The following CTPS2 variants were observed in gnomAD, a reference collection of about 807,000 sequenced individuals.
CTPS2 encodes CTP synthase 2.
Under a neutral mutation model 46.8 loss-of-function variants are expected in CTPS2, and 19 were observed. The ratio of observed to expected loss-of-function variants is 0.41; its 90% CI spans 0.28 to 0.60. The LOEUF is 0.60. Among genes scored for constraint, CTPS2 ranks in the 20% least tolerant of loss-of-function variants. The probability of loss-of-function intolerance (pLI) is 0.35; values close to 1 mark genes in which losing one functional copy is unlikely to be tolerated. For synonymous variants in CTPS2, 151 were observed against 165.2 expected, an observed-to-expected ratio of 0.91 and a Z score of 0.66; for missense variants, 286 against 447.6, an observed-to-expected ratio of 0.64 and a Z score of 3.26.
chrX:16,707,915 GA>G (rs951801968), intron 1 of CTPS2, among the ~76,000 whole-genome samples: 1 of 111,750 alleles, frequency 8.9e-6, no homozygotes, highest in African/African-American at 3.3e-5. Flanking sequence ...CCGGGAGGCG[GA>G]GGTTGCAGTG....
Position 16,670,564 on chromosome X carries a change from T to C in CTPS2, c.1189+16A>G, listed in dbSNP as rs1440299973. On this transcript the variant is annotated intron_variant, in intron 11 of 18. Coordinates refer to ENST00000359276, the MANE Select transcript of CTPS2 (RefSeq NM_175859.3). ...CTAATAAACTCATAGTTAGGGTCAA[T>C]AAACATGAGTTTTACCCAGAAAAGG... The C allele has an allele frequency of 8.6e-7, 1 of 1,168,035 alleles. No individual in the cohort carries two copies. Among genetic ancestry groups the C allele is most frequent in the South Asian group, 1.9e-5 (1 of 53,686 alleles).
rs947086592 is a variant in CTPS2, at chrX:16,634,605, A to G, written c.1393+4542T>C. 2.7e-5 allele frequency among the ~76,000 whole-genome samples: 3 copies of G among 112,169 alleles called. No homozygotes were observed. The Admixed American group carries it at 2.8e-4, about 11-fold the overall frequency. ...TGAATTCATAGTTTTCATAACCCTT[A>G]AGGAATTAACAGGTTATTAAGAAAA... On this transcript the variant is annotated intron_variant, in intron 14 of 18. Transcript: ENST00000359276.
intron 14 of CTPS2, among the ~76,000 whole-genome samples, chrX:16,622,428 A>G (rs1279936198): frequency 1.8e-5 from 2 of 109,936 alleles, no homozygotes; most frequent in East Asian, 5.6e-4. Flanking sequence ...AAAAAGAAAG[A>G]AAAAGAAAAA....
chrX:16,710,876 C>T (rs1215655322), intron 1 of CTPS2, among the ~76,000 whole-genome samples: 7 of 112,341 alleles, frequency 6.2e-5, no homozygotes, highest in Non-Finnish European at 1.9e-5. Context: ...CTCGGCCTCC[C>T]AAAGTGCTGG....
intron 8 of CTPS2, among the ~76,000 whole-genome samples, chrX:16,687,147 G>A (rs1014039316): frequency 1.8e-5 from 2 of 110,581 alleles, no homozygotes; most frequent in African/African-American, 6.6e-5. Context: ...TGCCCAGTTA[G>A]TGGTCATTGT....
At chrX:16,699,533 C>T (rs1924389447) in intron 2 of CTPS2, among the ~76,000 whole-genome samples, 1 of 112,580 alleles carries the variant, frequency 8.9e-6, no homozygotes, top group African/African-American at 3.2e-5. Context: ...ACCCATAAGG[C>T]AACTTGGTGA....
chrX:16,655,216 G>GA (rs1371832650), intron 13 of CTPS2, among the ~76,000 whole-genome samples: 4 of 112,174 alleles, frequency 3.6e-5, no homozygotes, highest in Admixed American at 1.9e-4. Flanking sequence ...CCTCGACGGG[G>GA]AACAGAAGGA....
At chrX:16,620,395 G>T in intron 14 of CTPS2, 63 bp from the exon 15 acceptor site, 1 of 869,894 alleles carries the variant, frequency 1.1e-6, no homozygotes, top group South Asian at 2.2e-5. Flanking sequence ...CATCCATGAT[G>T]CTTTGTGGAG....
intron 14 of CTPS2, among the ~76,000 whole-genome samples, chrX:16,634,054 A>G (rs1268009380): frequency 1.8e-5 from 2 of 112,005 alleles, no homozygotes; most frequent in Non-Finnish European, 3.8e-5. Flanking sequence ...ATGCCTCCTT[A>G]ACGCGATTAA....
chrX:16,602,981 A>G (rs1929750822), intron 17 of CTPS2, among the ~76,000 whole-genome samples: 1 of 110,387 alleles, frequency 9.1e-6, no homozygotes, highest in Admixed American at 9.7e-5. Flanking sequence ...ACCTTGGAAA[A>G]CTCATACCCC....
At chrX:16,614,349 A>G (rs1930417853) in intron 16 of CTPS2, among the ~76,000 whole-genome samples, 1 of 112,433 alleles carries the variant, frequency 8.9e-6, no homozygotes, top group African/African-American at 3.2e-5. Flanking sequence ...AAACAGGAGA[A>G]TGAACTAATT....
chrX:16,694,698 T>C (rs746248219), intron 4 of CTPS2, among the ~76,000 whole-genome samples: 1 of 112,381 alleles, frequency 8.9e-6, no homozygotes, highest in East Asian at 2.8e-4. Flanking sequence ...TTACCAAAAT[T>C]ACAGCAGAAC....
At chrX:16,632,388 C>A (rs1475048891) in intron 14 of CTPS2, among the ~76,000 whole-genome samples, 1 of 111,142 alleles carries the variant, frequency 9.0e-6, no homozygotes, top group Non-Finnish European at 1.9e-5. Flanking sequence ...AGGAGTCTAA[C>A]AATTGGGTGT....
At chrX:16,649,792 C>T (rs1932513037) in intron 13 of CTPS2, among the ~76,000 whole-genome samples, 1 of 112,450 alleles carries the variant, frequency 8.9e-6, no homozygotes, top group African/African-American at 3.2e-5. Flanking sequence ...CACAGGGCAG[C>T]ATTTATTTTT....
intron 13 of CTPS2, chrX:16,654,405 G>C (rs200041601): frequency 9.5e-6 from 11 of 1,153,102 alleles, no homozygotes; most frequent in Non-Finnish European, 1.2e-6. Flanking sequence ...TGTAAAACAG[G>C]GTCCAAACAC....
intron 14 of CTPS2, among the ~76,000 whole-genome samples, chrX:16,636,296 G>A (rs1931742049): frequency 1.8e-5 from 2 of 111,858 alleles, no homozygotes; most frequent in Admixed American, 1.9e-4. Flanking sequence ...TCAGGAGGCT[G>A]AGGCAGGAGA....
chrX:16,643,344 G>A (rs758826972), intron 13 of CTPS2, among the ~76,000 whole-genome samples: 9 of 111,419 alleles, frequency 8.1e-5, no homozygotes, highest in Admixed American at 5.7e-4. Flanking sequence ...CAGACTCTTA[G>A]GCAACATACA....
Position 16,693,242 on chromosome X carries a change from C to A in CTPS2, c.556-18G>T. 1 of 1,168,700 alleles carries A rather than the reference C, an allele frequency of 8.6e-7. No homozygotes were observed. The highest frequency in any genetic ancestry group is 1.2e-6 in the Non-Finnish European group (1 of 856,987). ...GCACTGAGCTGAAAAAAAATGGGGT[C>A]CCGTCAGCACACTGGACACTAGCTC... On this transcript the variant is annotated intron_variant, in intron 5 of 18. Coordinates refer to ENST00000359276, the MANE Select transcript of CTPS2 (RefSeq NM_175859.3).
chrX:16,704,099 G>A (rs1414645140), intron 1 of CTPS2, among the ~76,000 whole-genome samples: 1 of 109,963 alleles, frequency 9.1e-6, no homozygotes, highest in Non-Finnish European at 1.9e-5. Context: ...CCACCATGCT[G>A]GGCTAAGTTT....
Sources: gnomAD v4.1 joint callset for allele counts (sites outside exome capture counted in the v4.1 genomes callset) on GRCh38, gnomAD v4.1.1 for gene constraint, MANE v1.5 for transcripts, NCBI Gene and HGNC (gene_info 2026-07-23, HGNC 2026-07-21) for gene names.